The following LDB1 variants were observed in gnomAD, a reference collection of about 807,000 sequenced individuals.
LDB1 encodes LIM domain-binding protein 1.
A neutral mutation model predicts 49.7 loss-of-function variants in LDB1; 6 were observed. The ratio of observed to expected loss-of-function variants is 0.12; its 90% CI spans 0.07 to 0.24. The LOEUF is 0.24. LDB1 is among the 10% of genes least tolerant of loss of function. LDB1 has a pLI of 1.00. For synonymous variants in LDB1, 233 were observed against 202.0 expected (o/e 1.15, Z -1.30); for missense variants, 341 against 561.7 (o/e 0.61, Z 3.97).
downstream of LDB1, among the ~76,000 whole-genome samples, chr10:102,103,756 G>A (rs1266075944): frequency 2.0e-5 from 3 of 152,116 alleles, no homozygotes; most frequent in Non-Finnish European, 4.4e-5. Flanking sequence ...GGAGGTTGCA[G>A]TGAGCCGAGA....
chr10:102,114,710 G>C, intron 1 of LDB1: 1 of 806,430 alleles, frequency 1.2e-6, no homozygotes, highest in Non-Finnish European at 1.5e-6. Flanking sequence ...TTCTTTGTTT[G>C]CAAGGTTTCC....
At chr10:102,114,621 G>A in intron 1 of LDB1, 1 of 985,090 alleles carries the variant, frequency 1.0e-6, no homozygotes, top group East Asian at 1.1e-4. Context: ...CCGGGGGAAA[G>A]TTACAATGGC....
At chr10:102,114,812 G>GGGGGGGCCCCCCCCCCCCC in intron 1 of LDB1, 12 of 929,800 alleles carry the variant, frequency 1.3e-5, no homozygotes, top group Non-Finnish European at 1.5e-5. Context: ...CCTCCGAGCA[G>GGGGGGGCCCCCCCCCCCCC]CCCGCCCGCC....
chr10:102,114,556 G>A (rs1447628200), intron 1 of LDB1: 42 of 985,652 alleles, frequency 4.3e-5, no homozygotes, highest in Non-Finnish European at 4.9e-5. Context: ...CCAGTCCGCC[G>A]GCCGCACAAA....
Position 102,111,434 on chromosome 10 carries a change from C to G in LDB1, c.128G>C (p.Gly43Ala), listed in dbSNP as rs1436065075. 2 of 1,591,294 alleles carry G rather than the reference C, an allele frequency of 1.3e-6. No individual in the cohort carries two copies. Among genetic ancestry groups the G allele is most frequent in the South Asian group, 1.1e-5 (1 of 87,964 alleles). Residue 43 changes from glycine to alanine, a missense_variant and splice_region_variant, in exon 2 of 11, where the codon GGC (glycine) becomes GCC (alanine). By Grantham distance (60) the Gly-to-Ala change is moderately conservative. Around this residue, in one of 5 missense-constraint regions of LDB1, gnomAD observed 48 missense variants for 43.9 expected, o/e 1.09. Transcript: ENST00000673968. The stretch of plus-strand genomic sequence containing the variant: ...GGAAGTGGCCAAGAGACTCACTTAC[C>G]CCACATCCCTATCCAGCATGGTGCC... ...HPGTMLDRDV[G>A]PTPMYPPTYL... is the part of the protein sequence containing the mutation.
chr10:102,106,595 T>A lies in LDB1; in HGVS notation c.*1498A>T, dbSNP rs538913542. Among the ~76,000 whole-genome samples, 3 of 109,102 alleles carry A rather than the reference T, an allele frequency of 2.7e-5. No homozygotes were observed. Among genetic ancestry groups the A allele is most frequent in the Non-Finnish European group, 5.2e-5 (3 of 58,004 alleles). 71.6% of individuals were successfully genotyped at this position (109,102 alleles called of 152,430 possible). On this transcript the variant is annotated 3_prime_UTR_variant, in exon 11 of 11. Coordinates refer to ENST00000673968, the MANE Select transcript of LDB1 (RefSeq NM_001113407.3). ...AAAAAAAAAAAAAAAGGCATTACAG[T>A]TGGGATGGGATGTCCACCTTCCTCA... is the stretch of plus-strand genomic sequence containing the variant.
At chr10:102,108,961 G>C (rs1342058359) in intron 10 of LDB1, 68 bp downstream of exon 10, 1 of 1,602,566 alleles carries the variant, frequency 6.2e-7, no homozygotes, top group Admixed American at 1.7e-5. Context: ...AGTGAGCTCA[G>C]GCTTGGAAAG....
intron 1 of LDB1, chr10:102,114,491 G>T (rs990647211): frequency 1.6e-5 from 16 of 986,338 alleles, no homozygotes; most frequent in Non-Finnish European, 1.9e-5. Flanking sequence ...GCTGACGGGG[G>T]GACAACTTCA....
At chr10:102,112,038 A>C (rs907835195) in intron 1 of LDB1, among the ~76,000 whole-genome samples, 5 of 152,184 alleles carry the variant, frequency 3.3e-5, no homozygotes, top group African/African-American at 1.2e-4. Flanking sequence ...TATTTCATTA[A>C]GAAACAAGAG....
downstream of LDB1, among the ~76,000 whole-genome samples, chr10:102,106,080 C>G (rs1170523932): frequency 6.6e-6 from 1 of 152,110 alleles, no homozygotes; most frequent in Non-Finnish European, 1.5e-5. Flanking sequence ...CCAAGACCAT[C>G]TAACCCAAGC....
intron 1 of LDB1, chr10:102,114,811 A>AGGGGGG: frequency 5.7e-6 from 5 of 883,218 alleles, no homozygotes; most frequent in Non-Finnish European, 5.4e-6. Context: ...GCCTCCGAGC[A>AGGGGGG]GCCCGCCCGC....
chr10:102,106,541 CAAAAAAAAAAAAAAAAAAAAAAAAAA>C lies in LDB1; in HGVS notation c.*1526_*1551del, dbSNP rs558516308. Among the ~76,000 whole-genome samples, 132 of 17,782 alleles carry C rather than the reference CAAAAAAAAAAAAAAAAAAAAAAAAAA, an allele frequency of 7.4e-3. 1 individual carries two copies. The highest frequency in any genetic ancestry group is 0.012 in the Non-Finnish European group (116 of 9,522). The allele number at this position is 17,782 out of a possible 152,430, so 11.7% of individuals were successfully genotyped here. A position where few individuals can be genotyped will look rare whatever the true frequency, so the allele number is the denominator to read the frequency against. ...GGTACCATACATGACTCAAATGGCC[CAAAAAAAAAAAAAAAAAAAAAAAAAA>C]AAAAAAAAAAAAAAAAAGGCATTAC... On this transcript the variant is annotated 3_prime_UTR_variant, in exon 11 of 11. Transcript: ENST00000673968.
chr10:102,114,912 A>C, intron 1 of LDB1: 1 of 888,832 alleles, frequency 1.1e-6, no homozygotes, highest in Non-Finnish European at 1.3e-6. Context: ...ACTCAAACAC[A>C]CACGCAGCGC....
At chr10:102,102,262 T>C (rs1262086213), downstream of LDB1, among the ~76,000 whole-genome samples, 1 of 152,230 alleles carries the variant, frequency 6.6e-6, no homozygotes, top group Non-Finnish European at 1.5e-5. Context: ...GTGCTGTGCA[T>C]GGAACAATGA....
intron 6 of LDB1, 72 bp downstream of exon 6, chr10:102,110,456 AG>A: frequency 6.9e-7 from 1 of 1,459,670 alleles, no homozygotes; most frequent in Non-Finnish European, 9.4e-7. Context: ...AACAGCTGTG[AG>A]TATACACTGG....
intron 1 of LDB1, chr10:102,114,812 G>GGGCCGCCCCC: frequency 2.2e-6 from 2 of 929,818 alleles, no homozygotes; most frequent in South Asian, 5.0e-5. Flanking sequence ...CCTCCGAGCA[G>GGGCCGCCCCC]CCCGCCCGCC....
intron 10 of LDB1, 125 bp from the exon 11 acceptor site, chr10:102,108,448 C>A (rs2068200334): frequency 4.4e-6 from 3 of 680,242 alleles, no homozygotes; most frequent in Non-Finnish European, 7.4e-6. Flanking sequence ...CTCCTCATAC[C>A]CGAATTTAAA....
rs1222208879 is a variant in LDB1 at position 102,110,513 on chromosome 10, C to G, written c.525+16G>C. ...CCCAGGTGCCATGGTGTTCCACATC[C>G]AGCTGGGTTGCTGACCTGGGTGAAC... On this transcript the variant is annotated intron_variant, in intron 6 of 10. Transcript: ENST00000673968. The G allele has an allele frequency of 6.2e-7, 1 of 1,604,018 alleles. No homozygotes were observed. Among genetic ancestry groups the G allele is most frequent in the South Asian group, 1.1e-5 (1 of 89,298 alleles).
intron 1 of LDB1, among the ~76,000 whole-genome samples, chr10:102,118,279 T>C (rs978763492): frequency 6.6e-6 from 1 of 152,074 alleles, no homozygotes; most frequent in Admixed American, 6.6e-5. Context: ...TCCACCCTCT[T>C]TGGCATCAAT....
Sources: gnomAD v4.1 joint callset for allele counts (sites outside exome capture counted in the v4.1 genomes callset) on GRCh38, gnomAD v4.1.1 for gene constraint, gnomAD v4.1.1 regional missense constraint, MANE v1.5 for transcripts, NCBI Gene and HGNC (gene_info 2026-07-23, HGNC 2026-07-21) for gene names.